Variants in ATP11C observed in about 807,000 individuals in gnomAD.
ATP11C encodes the protein ATPase phospholipid transporting 11C (ATP11C blood group).
Under a neutral mutation model 97.4 loss-of-function variants are expected in ATP11C, and 36 were observed. The observed-to-expected ratio is 0.37, with a 90% CI of 0.28 to 0.49. The LOEUF (loss-of-function observed/expected upper bound fraction) is 0.49, where lower values mean the gene tolerates loss of function less well. ATP11C is among the 20% of genes least tolerant of loss of function. The pLI is 0.98. For missense variants in ATP11C, 730 were observed against 824.6 expected, an observed-to-expected ratio of 0.89 and a Z score of 1.40; for synonymous variants, 275 against 290.9, an observed-to-expected ratio of 0.95 and a Z score of 0.56.
chrX:139,918,225 G>C (rs951089284), intron 1 of ATP11C, among the ~76,000 whole-genome samples: 3 of 111,821 alleles, frequency 2.7e-5, no homozygotes, highest in African/African-American at 3.2e-5. Flanking sequence ...ATTCACAATA[G>C]CCAAGAGGTG....
At chrX:139,839,568 G>C (rs1350854162) in intron 1 of ATP11C, among the ~76,000 whole-genome samples, 1 of 110,926 alleles carries the variant, frequency 9.0e-6, no homozygotes, top group Non-Finnish European at 1.9e-5. Flanking sequence ...AGTATAGGGA[G>C]AGGGGAGACC....
intron 1 of ATP11C, among the ~76,000 whole-genome samples, chrX:139,855,172 T>C: frequency 8.9e-6 from 1 of 111,894 alleles, no homozygotes. Flanking sequence ...TGGCTTTCTT[T>C]GGTCTAAAAA....
chrX:139,744,231 A>C (rs573173512), intron 25 of ATP11C, among the ~76,000 whole-genome samples: 4 of 111,861 alleles, frequency 3.6e-5, no homozygotes, highest in African/African-American at 1.3e-4. Flanking sequence ...ATGAGATGTA[A>C]AAGGTTTTTT....
At chrX:139,826,646 T>C in intron 2 of ATP11C, 58 bp downstream of exon 2, 4 of 1,058,121 alleles carry the variant, frequency 3.8e-6, no homozygotes, top group Non-Finnish European at 5.1e-6. Context: ...AAGCACAAAT[T>C]AGAATGCATT....
chrX:139,821,971 C>T (rs1241572094), intron 2 of ATP11C, among the ~76,000 whole-genome samples: 1 of 111,972 alleles, frequency 8.9e-6, no homozygotes, highest in African/African-American at 3.2e-5. Context: ...AATTGAGTTA[C>T]AGCCATATAC....
rs2081620514 is a variant in ATP11C at position 139,743,721 on chromosome X, A to C, written c.2965-97T>G. On this transcript the variant is annotated intron_variant, in intron 25 of 29. Coordinates refer to ENST00000682941, the MANE Select transcript of ATP11C (RefSeq NM_001353812.2). The stretch of plus-strand genomic sequence containing the variant: ...AAAAGCCAAGTTGAATCCTGTGTGT[A>C]AGTGCCAAATATTTTTGTATGAATT... 4 of 465,838 alleles carry C rather than the reference A, an allele frequency of 8.6e-6. No homozygotes were observed. The Admixed American group carries it at 1.3e-4, about 15-fold the overall frequency. 38.4% of individuals were successfully genotyped at this position (465,838 alleles called of 1,213,427 possible). A position where few individuals can be genotyped will look rare whatever the true frequency, so the allele number is the denominator to read the frequency against.
rs368485065 is a variant in ATP11C, at chrX:139,774,747, A to C, written c.2159T>G (p.Ile720Arg). ...RKEDRLHELL[I>R]EYRKKLLHEF... ...ATGCAGCAATTTCTTGCGATATTCT[A>C]TCAATAATTCATGTAATCGATCTTC... Residue 720 changes from isoleucine to arginine, a missense_variant, in exon 19 of 30, where the codon ATA becomes AGA. By Grantham distance (97) the Ile-to-Arg change is moderately conservative. Transcript: ENST00000682941. 40 of 1,208,892 alleles carry C rather than the reference A, an allele frequency of 3.3e-5. No individual in the cohort carries two copies. The highest frequency in any genetic ancestry group is 4.5e-5 in the Non-Finnish European group (40 of 893,702).
intron 1 of ATP11C, among the ~76,000 whole-genome samples, chrX:139,888,196 C>A (rs1009922987): frequency 9.4e-6 from 1 of 106,362 alleles, no homozygotes; most frequent in East Asian, 3.0e-4. Flanking sequence ...TGCAACAGTG[C>A]GATCTCAGCT....
chrX:139,802,253 A>C lies in ATP11C; in HGVS notation c.642T>G (p.Pro214=). The C allele has an allele frequency of 5.0e-6, 6 of 1,204,467 alleles. No homozygotes were observed. Among genetic ancestry groups the C allele is most frequent in the Non-Finnish European group, 6.8e-6 (6 of 888,693 alleles). The change falls in exon 7 of 30, where the codon CCT becomes CCG. Residue 214 remains proline, a synonymous_variant. Transcript: ENST00000682941. ...TLRAAIECEQ[P]QPDLYKFVGR... ...ATTCTTACTTGTAGAGGTCAGGTTG[A>C]GGCTGTTCACATTCAATTGCTGCTC...
chrX:139,736,215 A>G (rs2081442177), intron 28 of ATP11C, among the ~76,000 whole-genome samples: 1 of 112,186 alleles, frequency 8.9e-6, no homozygotes, highest in South Asian at 3.6e-4. Flanking sequence ...GTGACTGCTT[A>G]GTAGCATCCC....
intron 1 of ATP11C, among the ~76,000 whole-genome samples, chrX:139,875,571 T>G (rs1177112566): frequency 9.0e-6 from 1 of 110,774 alleles, no homozygotes; most frequent in Non-Finnish European, 1.9e-5. Context: ...CACTCCAGCC[T>G]GGGCAGCAAA....
At chrX:139,744,278 C>CA (rs912553403) in intron 25 of ATP11C, among the ~76,000 whole-genome samples, 9 of 110,355 alleles carry the variant, frequency 8.2e-5, no homozygotes, top group East Asian at 2.8e-4. Context: ...TTAATAGAAG[C>CA]AAAAAAAAGG....
intron 12 of ATP11C, among the ~76,000 whole-genome samples, chrX:139,796,046 C>T (rs2082786790): frequency 8.9e-6 from 1 of 111,856 alleles, no homozygotes; most frequent in African/African-American, 3.2e-5. Flanking sequence ...ATTTCAGTAA[C>T]GTTCAAATTT....
In ATP11C at chrX:139,727,104, A is replaced by G. The variant is rs2081265302; in HGVS notation, c.*1862T>C. The G allele has an allele frequency of 8.9e-6, 1 of 111,827 alleles. No individual in the cohort carries two copies. Among genetic ancestry groups the G allele is most frequent in the Admixed American group, 9.6e-5 (1 of 10,428 alleles). The allele number at this position is 111,827 out of a possible 1,213,427, so 9.2% of individuals were successfully genotyped here. A position where few individuals can be genotyped will look rare whatever the true frequency, so the allele number is the denominator to read the frequency against. ...ACATGCAACCAGTTATTTTTCTACT[A>G]GATTATTCTGTTAACTCTCCAATGG... On this transcript the variant is annotated 3_prime_UTR_variant, in exon 30 of 30. Transcript: ENST00000682941.
intron 20 of ATP11C, among the ~76,000 whole-genome samples, chrX:139,763,744 T>C (rs1356069271): frequency 8.9e-6 from 1 of 112,123 alleles, no homozygotes; most frequent in African/African-American, 3.2e-5. Flanking sequence ...GTTGTTTTAG[T>C]TTTATTCTAA....
chrX:139,919,669 C>T (rs1418817616), intron 1 of ATP11C, among the ~76,000 whole-genome samples: 4 of 112,640 alleles, frequency 3.6e-5, no homozygotes, highest in African/African-American at 9.7e-5. Flanking sequence ...CCTGTAATTC[C>T]GGCACTTTGG....
chrX:139,829,646 C>T (rs2083602640), intron 1 of ATP11C, among the ~76,000 whole-genome samples: 3 of 111,236 alleles, frequency 2.7e-5, no homozygotes, highest in Non-Finnish European at 5.7e-5. Flanking sequence ...TCCTTAAGAA[C>T]AGCATTTCTT....
At chrX:139,862,552 C>G (rs1250854245) in intron 1 of ATP11C, among the ~76,000 whole-genome samples, 1 of 111,951 alleles carries the variant, frequency 8.9e-6, no homozygotes. Flanking sequence ...TCACGGAAGT[C>G]TTCTGTGTTG....
chrX:139,789,532 G>A (rs1304112779), intron 12 of ATP11C, 44 bp from the exon 13 acceptor site: 1 of 1,058,825 alleles, frequency 9.4e-7, no homozygotes, highest in Admixed American at 2.9e-5. Context: ...TCTTCAGTGT[G>A]ACTAATTTTT....
Sources: gnomAD v4.1 joint callset for allele counts (sites outside exome capture counted in the v4.1 genomes callset) on GRCh38, gnomAD v4.1.1 for gene constraint, MANE v1.5 for transcripts, NCBI Gene and HGNC (gene_info 2026-07-23, HGNC 2026-07-21) for gene names.